NAV1: variants seen among roughly 807,000 people sequenced by gnomAD.
NAV1 encodes the protein neuron navigator 1.
Under a neutral mutation model 175.2 loss-of-function variants are expected in NAV1, and 18 were observed. The ratio of observed to expected loss-of-function variants is 0.10; its 90% CI spans 0.07 to 0.15. The LOEUF (loss-of-function observed/expected upper bound fraction) is 0.15. Among genes scored for constraint, NAV1 ranks in the 10% least tolerant of loss-of-function variants. The pLI is 1.00. For missense variants in NAV1, 1,731 were observed against 2,436.6 expected (o/e 0.71, Z 6.10); for synonymous variants, 897 against 978.7 (o/e 0.92, Z 1.56).
chr1:201,604,458 G>C (rs1209802012), intron 2 of NAV1, among the ~76,000 whole-genome samples: 9 of 152,140 alleles, frequency 5.9e-5, no homozygotes, highest in African/African-American at 2.2e-4. Context: ...GTGGATAGTA[G>C]ATCATTTGAA....
At chr1:201,713,813 A>C (rs1291621720) in intron 2 of NAV1, among the ~76,000 whole-genome samples, 1 of 152,134 alleles carries the variant, frequency 6.6e-6, no homozygotes, top group African/African-American at 2.4e-5. Flanking sequence ...ATTAAGAGCA[A>C]AGTTGGGACA....
In NAV1 at chr1:201,718,569, T is replaced by C. The variant is rs141147088; in HGVS notation, c.1040T>C (p.Met347Thr). Residue 347 changes from methionine to threonine, a missense_variant, in exon 3 of 30, where the codon ATG (methionine) becomes ACG (threonine). Physicochemically the swap from Met to Thr is moderately conservative, Grantham distance 81. This residue lies in a region of NAV1 where 487 missense variants were observed against 581.3 expected (regional missense o/e 0.84). Transcript: ENST00000367296. The surrounding 1 kb of genome is among the most constrained non-coding windows in gnomAD (Gnocchi z 4.8). The stretch of plus-strand genomic sequence containing the variant: ...TCGGAGGGGACGCCCGCCTGGTACA[T>C]GCACGGCGAACGGGCCCACTACTCC... The C allele has an allele frequency of 1.1e-5, 17 of 1,613,930 alleles. No homozygotes were observed. The African/African-American group carries it at 2.1e-4, about 20-fold the overall frequency.
At chr1:201,636,365 C>T (rs953864990) in intron 2 of NAV1, among the ~76,000 whole-genome samples, 1 of 152,076 alleles carries the variant, frequency 6.6e-6, no homozygotes, top group Non-Finnish European at 1.5e-5. Flanking sequence ...TATAAGGCTG[C>T]GGGCAGGCTT....
chr1:201,774,881 T>C (rs998454943), intron 3 of NAV1, among the ~76,000 whole-genome samples: 1 of 152,054 alleles, frequency 6.6e-6, no homozygotes, highest in Non-Finnish European at 1.5e-5. Flanking sequence ...AGTGATGAGA[T>C]CATGGGAAGC....
At chr1:201,768,617 G>A (rs1675363089) in intron 3 of NAV1, among the ~76,000 whole-genome samples, 1 of 143,110 alleles carries the variant, frequency 7.0e-6, no homozygotes, top group South Asian at 2.2e-4. Context: ...CAGCCTGGGT[G>A]ACAAGGTGAG....
At position 201,740,311 on chromosome 1, in the gene NAV1, G is replaced by A. The variant is rs1334977898; in HGVS notation, c.1226+21556G>A. Among the ~76,000 whole-genome samples, 2 of 152,248 alleles carry A rather than the reference G, an allele frequency of 1.3e-5. No homozygotes were observed. The highest frequency in any genetic ancestry group is 1.3e-4 in the Admixed American group (2 of 15,290). On this transcript the variant is annotated intron_variant, in intron 3 of 29. Transcript: ENST00000367296. This position sits in a 1 kb window ranked among gnomAD's most constrained non-coding sequence, Gnocchi z 4.7. ...GGACGTTTGGCTTACGGGCATCTGG[G>A]GCTGGGAGTGGGTGTGTGGAGGGCT... is the stretch of plus-strand genomic sequence containing the variant.
At chr1:201,549,934 C>T (rs1467130813) in intron 1 of NAV1, among the ~76,000 whole-genome samples, 1 of 148,478 alleles carries the variant, frequency 6.7e-6, no homozygotes, top group Non-Finnish European at 1.5e-5. Flanking sequence ...TGGCGTGAAC[C>T]CAGGAGGCGG....
In NAV1 at chr1:201,735,647, A is replaced by C. The variant is rs1370066912; in HGVS notation, c.1226+16892A>C. On this transcript the variant is annotated intron_variant, in intron 3 of 29. Coordinates refer to ENST00000367296, the Ensembl canonical transcript of NAV1. ...CTATTATTAATCTTTCTTGCTGTTA[A>C]TGTTCTAAAGCAAGTATAATAGTAC... 2.0e-5 allele frequency among the ~76,000 whole-genome samples: 3 copies of C among 152,370 alleles called. No individual in the cohort carries two copies. In the East Asian group the frequency reaches 5.8e-4, roughly 29 times the overall value.
rs746983134 is a variant in NAV1 at position 201,712,796 on chromosome 1, T to A, written c.758-21T>A. Reference sequence around the variant, plus strand: ...ATTAAGTTCTCTTCACTCACCCAGCTCTTCCTTCTCTCCCTACCAGACCCA... The same window carrying A: ...ATTAAGTTCTCTTCACTCACCCAGCACTTCCTTCTCTCCCTACCAGACCCA... On this transcript the variant is annotated intron_variant, in intron 1 of 29. Coordinates refer to ENST00000367296, the Ensembl canonical transcript of NAV1. 7 of 1,555,678 alleles carry A rather than the reference T, an allele frequency of 4.5e-6. No homozygotes were observed. In the South Asian group the frequency reaches 7.8e-5, roughly 17 times the overall value.
In NAV1 at chr1:201,785,321, A is replaced by G; in HGVS notation, c.2816A>G (p.Asp939Gly). The change falls in exon 8 of 30, where the codon GAT becomes GGT. Residue 939 changes from aspartate to glycine, a missense_variant. Physicochemically the swap from Asp to Gly is moderately conservative, Grantham distance 94 (BLOSUM62 -1). Coordinates refer to ENST00000367296, the Ensembl canonical transcript of NAV1. ...TTTTATCTCCACAGTAATCAGCGGG[A>G]TCGGAACACTCTTCCCAAGAAAGGG... The G allele has an allele frequency of 5.0e-6, 8 of 1,603,042 alleles. No individual in the cohort carries two copies. The highest frequency in any genetic ancestry group is 6.8e-6 in the Non-Finnish European group (8 of 1,177,066).
At chr1:201,773,286 C>T (rs560143958) in intron 3 of NAV1, among the ~76,000 whole-genome samples, 4 of 152,164 alleles carry the variant, frequency 2.6e-5, no homozygotes, top group Non-Finnish European at 5.9e-5. Context: ...TGGCCTTAAG[C>T]AATCCTCCCT....
chr1:201,734,499 G>GAAGAAGAAGAAGA lies in NAV1; in HGVS notation c.1226+15745_1226+15746insAGAAGAAGAAGAA, dbSNP rs1673016206. On this transcript the variant is annotated intron_variant, in intron 3 of 29. Coordinates refer to ENST00000367296, the Ensembl canonical transcript of NAV1. ...GAGGAGGAGGAGGAAGAAGGAGAAGGAGAAGAAGAAGAAGAAGAAGAAGAA... is the reference window on the plus strand; with the variant it reads ...GAGGAGGAGGAGGAAGAAGGAGAAGGAAGAAGAAGAAGAAGAAGAAGAAGAAGAAGAAGAAGAA... Among the ~76,000 whole-genome samples the GAAGAAGAAGAAGA allele has an allele frequency of 2.3e-3, 280 of 120,990 alleles. 6 individuals are homozygous for GAAGAAGAAGAAGA. The highest frequency in any genetic ancestry group is 0.018 in the South Asian group (74 of 4,166). The allele number at this position is 120,990 out of a possible 152,430, so 79.4% of individuals were successfully genotyped here.
At position 201,807,629 on chromosome 1, in the gene NAV1, A is replaced by G. The variant is rs563369078; in HGVS notation, c.3649-324A>G. On this transcript the variant is annotated intron_variant, in intron 17 of 29. Transcript: ENST00000367296. This position sits in a 1 kb window ranked among gnomAD's most constrained non-coding sequence, Gnocchi z 5.4. ...GGAAGTTCCCATAGCCTACAACATC[A>G]GCAAGCTAGAAGATTCTGTTCTTTC... Among the ~76,000 whole-genome samples, 4 of 152,336 alleles carry G rather than the reference A, an allele frequency of 2.6e-5. 1 individual carries two copies. The South Asian group carries it at 8.3e-4, about 32-fold the overall frequency.
intron 3 of NAV1, among the ~76,000 whole-genome samples, chr1:201,751,439 T>C (rs1674101543): frequency 6.6e-6 from 1 of 152,188 alleles, no homozygotes; most frequent in Non-Finnish European, 1.5e-5. Flanking sequence ...TGAAGAAGAA[T>C]GAAGTTCACT....
upstream of NAV1, among the ~76,000 whole-genome samples, chr1:201,618,332 T>C (rs1415363129): frequency 6.6e-6 from 1 of 152,230 alleles, no homozygotes; most frequent in African/African-American, 2.4e-5. Context: ...CCCTGTACCA[T>C]GCTGACCTAC....
At chr1:201,620,561 C>T (rs529293199), upstream of NAV1, among the ~76,000 whole-genome samples, 1 of 147,248 alleles carries the variant, frequency 6.8e-6, no homozygotes, top group East Asian at 2.1e-4. Context: ...CAGGTTCAAG[C>T]AATTCTCCTG....
rs1666626338 is a variant in NAV1, at chr1:201,574,121, G to A, written c.-143-14418G>A. Among the ~76,000 whole-genome samples, 7 of 152,190 alleles carry A rather than the reference G, an allele frequency of 4.6e-5. No homozygotes were observed. In the South Asian group the frequency reaches 1.5e-3, roughly 32 times the overall value. On this transcript the variant is annotated intron_variant, in intron 1 of 33. Transcript: ENST00000685211. ...AGAGTTCTATTTATAAGCATTTACT[G>A]AGCACTCTTCAGTGTAGAGGACTGG...
chr1:201,732,996 A>G (rs1672930615), intron 3 of NAV1, among the ~76,000 whole-genome samples: 1 of 151,886 alleles, frequency 6.6e-6, no homozygotes, highest in African/African-American at 2.4e-5. Context: ...GCTTGAACCC[A>G]GGAGGCGGAG....
At chr1:201,621,210 GTGCCCCACC>G (rs1419623025), upstream of NAV1, among the ~76,000 whole-genome samples, 1 of 152,016 alleles carries the variant, frequency 6.6e-6, no homozygotes, top group Non-Finnish European at 1.5e-5. Flanking sequence ...GTGAGCCACT[GTGCCCCACC>G]TGCCCTTTAT....
Sources: gnomAD v4.1 joint callset for allele counts (sites outside exome capture counted in the v4.1 genomes callset) on GRCh38, gnomAD v4.1.1 for gene constraint, gnomAD v4.1.1 regional missense constraint, Gnocchi (gnomAD v3.1) non-coding constraint, MANE v1.5 for transcripts, NCBI Gene and HGNC (gene_info 2026-07-23, HGNC 2026-07-21) for gene names.